The following TAF8 variants were observed in gnomAD, a reference collection of about 807,000 sequenced individuals.
TAF8 encodes the protein TATA-box binding protein associated factor 8, also known as transcription initiation factor TFIID subunit 8.
A neutral mutation model predicts 36.5 loss-of-function variants in TAF8; 47 were observed. The ratio of observed to expected loss-of-function variants is 1.29; its 90% CI spans 1.02 to 1.64. The LOEUF is 1.64. TAF8 is among the 40% of genes most tolerant of loss of function. The pLI, the probability that TAF8 is intolerant of heterozygous loss-of-function variation, is 0.00. For synonymous variants in TAF8, 175 were observed against 159.5 expected, an observed-to-expected ratio of 1.10 and a Z score of -0.73; for missense variants, 420 against 407.6, an observed-to-expected ratio of 1.03 and a Z score of -0.26.
chr6:42,083,465 G>T (rs1428834509), downstream of TAF8, among the ~76,000 whole-genome samples: 1 of 152,186 alleles, frequency 6.6e-6, no homozygotes, highest in African/African-American at 2.4e-5. Context: ...GTACCAGTTG[G>T]CTATCCTGCA....
chr6:42,052,502 A>G (rs1169888607), intron 2 of TAF8, among the ~76,000 whole-genome samples: 1 of 152,098 alleles, frequency 6.6e-6, no homozygotes. Flanking sequence ...TTGTATTTTT[A>G]GTAGAGACAG....
Position 42,078,029 on chromosome 6 carries a change from T to C in TAF8, c.*484T>C, listed in dbSNP as rs1292552274. Reference sequence around the variant, plus strand: ...CATTGGCCTCCCAAAGAGTTGCGATTACAGGTGTGAGCCACCACGCCCAGC... The same window carrying C: ...CATTGGCCTCCCAAAGAGTTGCGATCACAGGTGTGAGCCACCACGCCCAGC... On this transcript the variant is annotated 3_prime_UTR_variant, in exon 9 of 9. Transcript: ENST00000372977. The C allele has an allele frequency of 4.8e-6, 1 of 210,094 alleles. No homozygotes were observed. Among genetic ancestry groups the C allele is most frequent in the African/African-American group, 2.4e-5 (1 of 42,272 alleles). The allele number at this position is 210,094 out of a possible 1,614,324, so 13.0% of individuals were successfully genotyped here. A position where few individuals can be genotyped will look rare whatever the true frequency, so the allele number is the denominator to read the frequency against.
In TAF8 at chr6:42,077,153, C is replaced by T; in HGVS notation, c.834C>T (p.Ser278=). 1.2e-6 allele frequency: 2 copies of T among 1,614,212 alleles called. No individual in the cohort carries two copies. Among genetic ancestry groups the T allele is most frequent in the Non-Finnish European group, 1.7e-6 (2 of 1,180,022 alleles). Residue 278 remains serine (S), a synonymous_variant, in exon 8 of 9, where the codon TCC becomes TCT. Transcript: ENST00000372977. ...ENTSVLQQNP[S]LSGSRNGEEN... is the part of the protein sequence containing the mutation. ...CCTCTGTCCTGCAGCAGAACCCCTC[C>T]TTGTCGGGTAGCCGGAATGGGGAGG...
chr6:42,070,332 C>CA (rs57498433), intron 7 of TAF8, among the ~76,000 whole-genome samples: 64,850 of 150,036 alleles, frequency 0.43, 15,146 homozygotes, highest in South Asian at 0.67. Flanking sequence ...ACTAAAAATA[C>CA]AAAAAAAAAA....
intron 5 of TAF8, among the ~76,000 whole-genome samples, chr6:42,064,406 C>A (rs935194677): frequency 5.9e-5 from 9 of 151,952 alleles, no homozygotes; most frequent in East Asian, 1.9e-4. Flanking sequence ...AGGTGCCCAC[C>A]ACCACGCCTG....
downstream of TAF8, among the ~76,000 whole-genome samples, chr6:42,083,666 G>A (rs1351443714): frequency 6.6e-6 from 1 of 152,108 alleles, no homozygotes; most frequent in African/African-American, 2.4e-5. Flanking sequence ...ACCGTTCTGT[G>A]TGATGATGCC....
At chr6:42,052,321 C>G (rs908971029) in intron 2 of TAF8, among the ~76,000 whole-genome samples, 2 of 150,798 alleles carry the variant, frequency 1.3e-5, no homozygotes, top group Non-Finnish European at 3.0e-5. Flanking sequence ...GGAAAAGCCC[C>G]CCCCCCCTTT....
rs1765837177 is a variant in TAF8 at position 42,078,781 on chromosome 6, G to A, written c.*1236G>A. 9 of 985,404 alleles carry A rather than the reference G, an allele frequency of 9.1e-6. No individual in the cohort carries two copies. Among genetic ancestry groups the A allele is most frequent in the East Asian group, 1.1e-4 (1 of 8,814 alleles). The allele number at this position is 985,404 out of a possible 1,614,324, so 61.0% of individuals were successfully genotyped here. A position where few individuals can be genotyped will look rare whatever the true frequency, so the allele number is the denominator to read the frequency against. ...TTCTCTGACAAGAGCCTAGAGCGTC[G>A]GCTCTATTATGCTGGGACTTGACAG... On this transcript the variant is annotated 3_prime_UTR_variant, in exon 9 of 9. Coordinates refer to ENST00000372977, the MANE Select transcript of TAF8 (RefSeq NM_138572.3).
Position 42,056,004 on chromosome 6 carries a change from C to A in TAF8, c.354C>A (p.Val118=). 2 of 1,610,432 alleles carry A rather than the reference C, an allele frequency of 1.2e-6. No homozygotes were observed. The highest frequency in any genetic ancestry group is 2.2e-5 in the South Asian group (2 of 90,956). ...PAYAKRSQRM[V]ITAPPVTNQP... is the part of the protein sequence containing the mutation. ...ATGCAAAACGGTCTCAGAGGATGGT[C>A]ATCACTGCTCGTAAGTGACTTTGAA... Residue 118 remains valine (V), a synonymous_variant, in exon 4 of 9, where the codon GTC becomes GTA. Transcript: ENST00000372977.
chr6:42,065,886 T>C (rs994682513), intron 5 of TAF8, among the ~76,000 whole-genome samples: 4 of 152,074 alleles, frequency 2.6e-5, no homozygotes, highest in African/African-American at 9.7e-5. Flanking sequence ...ATTGGGTCAT[T>C]TAATTTAATT....
chr6:42,070,348 C>T (rs1304633633), intron 7 of TAF8, among the ~76,000 whole-genome samples: 1 of 152,062 alleles, frequency 6.6e-6, no homozygotes, highest in African/African-American at 2.4e-5. Context: ...AAAAATTAGC[C>T]AGGCGTGGTG....
chr6:42,053,218 A>G (rs1764860446), intron 2 of TAF8, among the ~76,000 whole-genome samples: 1 of 152,164 alleles, frequency 6.6e-6, no homozygotes, highest in Non-Finnish European at 1.5e-5. Flanking sequence ...ATTAATAAAC[A>G]TTGAGGACCC....
chr6:42,054,173 T>G (rs181078680), intron 2 of TAF8, among the ~76,000 whole-genome samples: 4 of 152,246 alleles, frequency 2.6e-5, no homozygotes, highest in Admixed American at 2.0e-4. Flanking sequence ...TGGAAGCTCA[T>G]TCACAGAGCC....
chr6:42,078,688 T>C lies in TAF8; in HGVS notation c.*1143T>C. The C allele has an allele frequency of 1.0e-6, 1 of 985,458 alleles. No homozygotes were observed. Among genetic ancestry groups the C allele is most frequent in the Non-Finnish European group, 1.2e-6 (1 of 829,934 alleles). 61.0% of individuals were successfully genotyped at this position (985,458 alleles called of 1,614,324 possible). On this transcript the variant is annotated 3_prime_UTR_variant, in exon 9 of 9. Transcript: ENST00000372977. The stretch of plus-strand genomic sequence containing the variant: ...CACTCTCCTCCTGAGAGATTTACCA[T>C]TTATTGCCCCTGTGAGGAATGTGTG...
chr6:42,061,104 T>C (rs966632453), intron 5 of TAF8, among the ~76,000 whole-genome samples: 1 of 152,208 alleles, frequency 6.6e-6, no homozygotes, highest in African/African-American at 2.4e-5. Flanking sequence ...TAGAGTCCTA[T>C]ATTTGATTAT....
chr6:42,062,623 C>T (rs1444526372), intron 5 of TAF8, among the ~76,000 whole-genome samples: 1 of 149,366 alleles, frequency 6.7e-6, no homozygotes, highest in Admixed American at 6.7e-5. Flanking sequence ...CAACCTCCAC[C>T]ACCTCCCGGG....
Position 42,079,071 on chromosome 6 carries a change from G to A in TAF8, c.*1526G>A, listed in dbSNP as rs1225085393. 5 of 779,246 alleles carry A rather than the reference G, an allele frequency of 6.4e-6. No homozygotes were observed. The highest frequency in any genetic ancestry group is 3.8e-5 in the African/African-American group (2 of 53,118). 48.3% of individuals were successfully genotyped at this position (779,246 alleles called of 1,614,324 possible). A position where few individuals can be genotyped will look rare whatever the true frequency, so the allele number is the denominator to read the frequency against. On this transcript the variant is annotated 3_prime_UTR_variant, in exon 9 of 9. Transcript: ENST00000372977. ...TGGGAGGCGGAGGTTGCAGTGAGCC[G>A]AGATCGTGCCACTGCACTCCAGCCT...
At chr6:42,077,338 GA>G in intron 8 of TAF8, 99 bp downstream of exon 8, 1 of 1,513,068 alleles carries the variant, frequency 6.6e-7, no homozygotes. Flanking sequence ...GAGCCTTGGG[GA>G]AAGCCACTCT....
chr6:42,064,107 G>T (rs1765274030), intron 5 of TAF8, among the ~76,000 whole-genome samples: 1 of 152,020 alleles, frequency 6.6e-6, no homozygotes, highest in African/African-American at 2.4e-5. Context: ...ATTATCCAAA[G>T]AATTTGGTTG....
Sources: gnomAD v4.1 joint callset for allele counts (sites outside exome capture counted in the v4.1 genomes callset) on GRCh38, gnomAD v4.1.1 for gene constraint, MANE v1.5 for transcripts, NCBI Gene and HGNC (gene_info 2026-07-23, HGNC 2026-07-21) for gene names.